Variants in RNF214 observed in about 807,000 individuals in gnomAD.
RNF214 encodes ring finger protein 214.
RNF214 carries 25 observed loss-of-function variants against 75.9 expected under a neutral mutation model. The observed-to-expected ratio is 0.33, with a 90% CI of 0.24 to 0.46. RNF214 has a LOEUF of 0.46. Ranked by LOEUF, RNF214 falls within the 20% of genes least tolerant of loss-of-function variation. The pLI, the probability that RNF214 is intolerant of heterozygous loss-of-function variation, is 1.00. For missense variants in RNF214, 725 were observed against 857.5 expected (o/e 0.85, Z 1.93); for synonymous variants, 314 against 308.8 (o/e 1.02, Z -0.18).
At chr11:117,259,925 A>C (rs2033617061) in intron 6 of RNF214, among the ~76,000 whole-genome samples, 1 of 152,112 alleles carries the variant, frequency 6.6e-6, no homozygotes, top group Non-Finnish European at 1.5e-5. Flanking sequence ...TAATTCATTA[A>C]AACTTTTCTT....
rs571302715 is a variant in RNF214, at chr11:117,239,782, T to C, written c.619-19T>C. On this transcript the variant is annotated intron_variant, in intron 3 of 14. Transcript: ENST00000300650. The stretch of plus-strand genomic sequence containing the variant: ...AAGTGTCTCTGAACGATTCTAAATA[T>C]AACTTTTTTCCTTTATAGACTGACT... The C allele has an allele frequency of 3.6e-5, 51 of 1,401,390 alleles. No individual in the cohort carries two copies. The South Asian group carries it at 5.5e-4, about 15-fold the overall frequency. 86.8% of individuals were successfully genotyped at this position (1,401,390 alleles called of 1,614,324 possible). A position where few individuals can be genotyped will look rare whatever the true frequency, so the allele number is the denominator to read the frequency against.
chr11:117,246,982 A>G, intron 6 of RNF214, 34 bp downstream of exon 6: 1 of 1,540,294 alleles, frequency 6.5e-7, no homozygotes, highest in Non-Finnish European at 8.8e-7. Flanking sequence ...CCCTGTGTGT[A>G]TGTATATATG....
chr11:117,279,374 T>G (rs2034082182), intron 6 of RNF214, among the ~76,000 whole-genome samples: 1 of 141,242 alleles, frequency 7.1e-6, no homozygotes, highest in Admixed American at 7.2e-5. Flanking sequence ...CTTTGTAGCC[T>G]AGGCTGGAGT....
chr11:117,281,510 A>G (rs1487996657), intron 9 of RNF214, 90 bp from the exon 10 acceptor site: 1 of 1,388,516 alleles, frequency 7.2e-7, no homozygotes, highest in East Asian at 2.3e-5. Flanking sequence ...CTATCCTACT[A>G]TTCCTTTTGT....
Position 117,234,306 on chromosome 11 carries a change from A to G in RNF214, c.34A>G (p.Asn12Asp). 1 of 1,614,222 alleles carries G rather than the reference A, an allele frequency of 6.2e-7. No homozygotes were observed. Among genetic ancestry groups the G allele is most frequent in the Non-Finnish European group, 8.5e-7 (1 of 1,180,020 alleles). Residue 12 changes from asparagine (N) to aspartate (D), a missense_variant, in exon 2 of 15, where the codon AAT becomes GAT. Transcript: ENST00000300650. ...GTCTGAGGTTGCTGGTGTTGTGGCC[A>G]ATGCCCCCAGTCCTCCGGAATCTTC... ...AASEVAGVVA[N>D]APSPPESSSL...
rs1434029551 is a variant in RNF214 at position 117,282,923 on chromosome 11, A to AGT, written c.1950+75_1950+76dup. 75 of 1,215,946 alleles carry AGT rather than the reference A, an allele frequency of 6.2e-5. 1 individual carries two copies. The South Asian group carries it at 8.7e-4, about 14-fold the overall frequency. The allele number at this position is 1,215,946 out of a possible 1,614,324, so 75.3% of individuals were successfully genotyped here. ...GAGGAAGGAGTGGGTTTACAGGTGG[A>AGT]GTGCAGGAAGAAACCATCAGTTGGG... On this transcript the variant is annotated intron_variant, in intron 13 of 14. Coordinates refer to ENST00000300650, the MANE Select transcript of RNF214 (RefSeq NM_207343.4).
rs188870147 is a variant in RNF214 at position 117,283,068 on chromosome 11, G to A, written c.1951-47G>A. ...GAATTATGGGCATAAAAGGCAAGGA[G>A]ACCCAGAGGTTCCTTACCTTTTGAT... is the stretch of plus-strand genomic sequence containing the variant. On this transcript the variant is annotated intron_variant, in intron 13 of 14. Coordinates refer to ENST00000300650, the MANE Select transcript of RNF214 (RefSeq NM_207343.4). 2.6e-4 allele frequency: 345 copies of A among 1,336,520 alleles called. 1 individual carries two copies. Among genetic ancestry groups the A allele is most frequent in the Middle Eastern group, 1.8e-3 (10 of 5,504 alleles). 82.8% of individuals were successfully genotyped at this position (1,336,520 alleles called of 1,614,324 possible).
At chr11:117,276,902 T>C (rs1399294275) in intron 6 of RNF214, among the ~76,000 whole-genome samples, 1 of 152,246 alleles carries the variant, frequency 6.6e-6, no homozygotes, top group African/African-American at 2.4e-5. Flanking sequence ...TCAGAGTGAA[T>C]AGTAGGCTAG....
At chr11:117,244,367 A>T in intron 4 of RNF214, 78 bp from the exon 5 acceptor site, 1 of 1,240,570 alleles carries the variant, frequency 8.1e-7, no homozygotes, top group South Asian at 1.3e-5. Flanking sequence ...AGCTCTATAC[A>T]ATGCCTTGGA....
At chr11:117,265,386 A>G (rs374796146) in intron 6 of RNF214, among the ~76,000 whole-genome samples, 3 of 152,198 alleles carry the variant, frequency 2.0e-5, no homozygotes, top group African/African-American at 2.4e-5. Flanking sequence ...AATTGTAGAA[A>G]CTTAGAATTA....
chr11:117,282,852 T>C lies in RNF214; in HGVS notation c.1950+2T>C, dbSNP rs1315762244. The C allele has an allele frequency of 6.2e-7, 1 of 1,602,898 alleles. No homozygotes were observed. Among genetic ancestry groups the C allele is most frequent in the East Asian group, 2.2e-5 (1 of 44,838 alleles). ...TCATATCCTGGAAGGTCTTCACATG[T>C]AAGACTCTTTTTCTTTGAACACTGT... On this transcript the variant is annotated splice_donor_variant, in intron 13 of 14. Coordinates refer to ENST00000300650, the MANE Select transcript of RNF214 (RefSeq NM_207343.4). LOFTEE classifies it high-confidence loss of function.
intron 14 of RNF214, among the ~76,000 whole-genome samples, chr11:117,283,438 G>A (rs552916601): frequency 1.5e-4 from 22 of 151,640 alleles, no homozygotes; most frequent in East Asian, 9.8e-4. Flanking sequence ...TCAGCTCACC[G>A]CAACCTCCAC....
chr11:117,247,769 T>A (rs2033266006), intron 6 of RNF214, among the ~76,000 whole-genome samples: 1 of 150,638 alleles, frequency 6.6e-6, no homozygotes, highest in Non-Finnish European at 1.5e-5. Context: ...GGGAATCGCT[T>A]GAATCCAGGA....
At chr11:117,258,471 T>G (rs1344472916) in intron 6 of RNF214, among the ~76,000 whole-genome samples, 1 of 152,198 alleles carries the variant, frequency 6.6e-6, no homozygotes, top group African/African-American at 2.4e-5. Context: ...CAGAATAAGT[T>G]GCAGTCATCA....
chr11:117,278,235 C>T (rs553802780), intron 6 of RNF214, among the ~76,000 whole-genome samples: 6 of 152,064 alleles, frequency 3.9e-5, no homozygotes, highest in Non-Finnish European at 8.8e-5. Context: ...ACCCAGGAGG[C>T]GGAGGATGCC....
At chr11:117,233,778 G>A (rs1387050591) in intron 1 of RNF214, among the ~76,000 whole-genome samples, 2 of 152,176 alleles carry the variant, frequency 1.3e-5, no homozygotes, top group African/African-American at 4.8e-5. Context: ...GCCCAGTATT[G>A]CATTACTTGT....
intron 6 of RNF214, among the ~76,000 whole-genome samples, chr11:117,254,153 A>G (rs2033465542): frequency 6.6e-6 from 1 of 152,052 alleles, no homozygotes; most frequent in Admixed American, 6.6e-5. Flanking sequence ...GGAGGCTGAG[A>G]CACAAGAATT....
intron 14 of RNF214, among the ~76,000 whole-genome samples, chr11:117,284,867 T>G (rs1254589582): frequency 6.6e-6 from 1 of 152,076 alleles, no homozygotes; most frequent in Non-Finnish European, 1.5e-5. Context: ...GAAGCAGAGG[T>G]TCCAGTGAGC....
At position 117,249,080 on chromosome 11, in the gene RNF214, G is replaced by T. The variant is rs114805415; in HGVS notation, c.959+2132G>T. 2.2e-3 allele frequency among the ~76,000 whole-genome samples: 339 copies of T among 152,058 alleles called. 1 individual carries two copies. Among genetic ancestry groups the T allele is most frequent in the African/African-American group, 8.0e-3 (330 of 41,470 alleles). ...TGGGATTACAGGCGAGTGCCATCATGCCCAGATAATTTTTTAAATTTTTTT... is the reference window on the plus strand; with the variant it reads ...TGGGATTACAGGCGAGTGCCATCATTCCCAGATAATTTTTTAAATTTTTTT... On this transcript the variant is annotated intron_variant, in intron 6 of 14. Coordinates refer to ENST00000300650, the MANE Select transcript of RNF214 (RefSeq NM_207343.4).
Sources: gnomAD v4.1 joint callset for allele counts (sites outside exome capture counted in the v4.1 genomes callset) on GRCh38, gnomAD v4.1.1 for gene constraint, MANE v1.5 for transcripts, NCBI Gene and HGNC (gene_info 2026-07-23, HGNC 2026-07-21) for gene names.